Variants in PLXNA1 observed in about 807,000 individuals in gnomAD.
The protein encoded by PLXNA1 is plexin A1, also known as plexin-A1.
PLXNA1 carries 77 observed loss-of-function variants against 191.7 expected under a neutral mutation model. That is an observed-to-expected ratio of 0.40 (90% CI 0.33 to 0.49). The LOEUF is 0.49. Among genes scored for constraint, PLXNA1 ranks in the 20% least tolerant of loss-of-function variants. PLXNA1 has a pLI of 0.63. For missense variants in PLXNA1, 2,110 were observed against 2,660.2 expected, an observed-to-expected ratio of 0.79 and a Z score of 4.55; for synonymous variants, 1,137 against 1,156.4, an observed-to-expected ratio of 0.98 and a Z score of 0.34.
intron 24 of PLXNA1, 30 bp downstream of exon 24, chr3:127,028,116 C>G: frequency 1.2e-6 from 2 of 1,613,592 alleles, no homozygotes; most frequent in Non-Finnish European, 1.7e-6. Flanking sequence ...GTCCTGGGTG[C>G]CCTGGTGCCC....
chr3:126,983,436 G>A (rs1021076343), intron 1 of PLXNA1, among the ~76,000 whole-genome samples, 149 bp downstream of exon 1: 1 of 145,564 alleles, frequency 6.9e-6, no homozygotes, highest in Admixed American at 6.8e-5. Flanking sequence ...GGGTGTGCGC[G>A]GGGACTGCGG....
rs572514021 is a variant in PLXNA1, at chr3:126,991,476, C to G, written c.1287C>G (p.Asp429Glu). ...TTGAGGGGACGCCCCTGTTCGTGGA[C>G]AAGGATGATGGCCTGACCGCCGTGG... is the stretch of plus-strand genomic sequence containing the variant. ...VTIEGTPLFV[D>E]KDDGLTAVAA... The change falls in exon 3 of 32, where the codon GAC becomes GAG. Residue 429 changes from aspartate (D) to glutamate (E), a missense_variant. Physicochemically the swap from Asp to Glu is conservative, Grantham distance 45. Transcript: ENST00000393409. 265 of 1,612,766 alleles carry G rather than the reference C, an allele frequency of 1.6e-4. 3 individuals are homozygous for G. The South Asian group carries it at 2.9e-3, about 17-fold the overall frequency.
In PLXNA1 at chr3:127,029,988, A is replaced by G; in HGVS notation, c.4985A>G (p.His1662Arg). 6.2e-7 allele frequency: 1 copy of G among 1,613,720 alleles called. No individual in the cohort carries two copies. Among genetic ancestry groups the G allele is most frequent in the South Asian group, 1.1e-5 (1 of 91,076 alleles). ...TGGCACCTGGTGAAGAACCACGACC[A>G]CCTGGACCAGCGTGAGGGTGACCGC... ...KLWHLVKNHD[H>R]LDQREGDRGS... The change falls in exon 28 of 32, where the codon CAC becomes CGC. Residue 1662 changes from histidine (H) to arginine (R), a missense_variant. His to Arg is a conservative substitution (Grantham distance 29). This residue lies in a region of PLXNA1 where 559 missense variants were observed against 911.5 expected (regional missense o/e 0.61). Transcript: ENST00000393409.
At chr3:127,029,569 G>T (rs150570079) in intron 27 of PLXNA1, 33 bp downstream of exon 27, 5 of 1,597,870 alleles carry the variant, frequency 3.1e-6, no homozygotes, top group African/African-American at 1.3e-5. Flanking sequence ...AGAGGGCAGC[G>T]CATGGGTCCC....
Position 127,011,955 on chromosome 3 carries a change from C to G in PLXNA1, c.2113-3C>G. ...GGCTCAGCCAAACTCTTCTTATCCC[C>G]AGGACTGCCCACAGATCCTGCCCTC... is the stretch of plus-strand genomic sequence containing the variant. On this transcript the variant is annotated splice_region_variant and splice_polypyrimidine_tract_variant and intron_variant, in intron 9 of 31. Coordinates refer to ENST00000393409, the MANE Select transcript of PLXNA1 (RefSeq NM_032242.4). 1 of 1,612,300 alleles carries G rather than the reference C, an allele frequency of 6.2e-7. No homozygotes were observed. The highest frequency in any genetic ancestry group is 8.5e-7 in the Non-Finnish European group (1 of 1,178,794).
chr3:126,998,605 A>T (rs1201691449), intron 3 of PLXNA1, among the ~76,000 whole-genome samples: 4 of 152,194 alleles, frequency 2.6e-5, no homozygotes, highest in Admixed American at 2.0e-4. Context: ...AGCTGTGCAC[A>T]TCTGCCCCAC....
At chr3:127,029,729 A>C in intron 27 of PLXNA1, 145 bp from the exon 28 acceptor site, 1 of 1,115,590 alleles carries the variant, frequency 9.0e-7, no homozygotes, top group Non-Finnish European at 1.3e-6. Context: ...TCCGTACACA[A>C]TTATGCCACC....
intron 3 of PLXNA1, among the ~76,000 whole-genome samples, chr3:126,995,502 G>A (rs939828138): frequency 3.3e-5 from 5 of 152,252 alleles, no homozygotes; most frequent in Non-Finnish European, 7.3e-5. Flanking sequence ...ACGGGCACCC[G>A]AGGCCAGCCC....
At chr3:126,991,087 C>T (rs1050016741) in intron 2 of PLXNA1, among the ~76,000 whole-genome samples, 2 of 152,214 alleles carry the variant, frequency 1.3e-5, no homozygotes, top group Non-Finnish European at 2.9e-5. Flanking sequence ...CCCTGCCTGC[C>T]CTGCCCTCTC....
rs2078939091 is a variant in PLXNA1 at position 126,983,211 on chromosome 3, G to A, written c.-150G>A. Reference sequence around the variant, plus strand: ...CCTACGCGGCTTCGGCGGCCCCGCGGCGGGGCGGACGGCGGCGGCGGCGCG... The same window carrying A: ...CCTACGCGGCTTCGGCGGCCCCGCGACGGGGCGGACGGCGGCGGCGGCGCG... On this transcript the variant is annotated 5_prime_UTR_variant, in exon 1 of 32. Coordinates refer to ENST00000393409, the MANE Select transcript of PLXNA1 (RefSeq NM_032242.4). Among the ~76,000 whole-genome samples the A allele has an allele frequency of 6.9e-6, 1 of 144,598 alleles. No homozygotes were observed. Among genetic ancestry groups the A allele is most frequent in the Non-Finnish European group, 1.5e-5 (1 of 65,234 alleles). The allele number at this position is 144,598 out of a possible 152,430, so 94.9% of individuals were successfully genotyped here. A position where few individuals can be genotyped will look rare whatever the true frequency, so the allele number is the denominator to read the frequency against.
chr3:126,989,029 C>T lies in PLXNA1; in HGVS notation c.436C>T (p.Leu146Phe). 1.2e-6 allele frequency: 2 copies of T among 1,613,334 alleles called. No individual in the cohort carries two copies. The highest frequency in any genetic ancestry group is 1.7e-6 in the Non-Finnish European group (2 of 1,180,030). Reference protein sequence around the residue: ...GICQFLRLDDLFKLGEPHHRK... With the variant: ...GICQFLRLDDFFKLGEPHHRK... ...CTGCCAGTTCCTGCGTCTGGACGAT[C>T]TCTTCAAACTGGGTGAGCCACACCA... is the stretch of plus-strand genomic sequence containing the variant. Residue 146 changes from leucine (L) to phenylalanine (F), a missense_variant, in exon 2 of 32, where the codon CTC (leucine) becomes TTC (phenylalanine). Physicochemically the swap from Leu to Phe is conservative, Grantham distance 22. Coordinates refer to ENST00000393409, the MANE Select transcript of PLXNA1 (RefSeq NM_032242.4).
At chr3:126,986,269 C>T (rs925771656) in intron 1 of PLXNA1, among the ~76,000 whole-genome samples, 4 of 152,204 alleles carry the variant, frequency 2.6e-5, no homozygotes, top group Non-Finnish European at 5.9e-5. Context: ...TTTCTGGCTC[C>T]CGGGTCTTCC....
chr3:127,006,204 C>CGCCTGG, intron 8 of PLXNA1, 26 bp downstream of exon 8: 1 of 1,579,656 alleles, frequency 6.3e-7, no homozygotes, highest in South Asian at 1.1e-5. Flanking sequence ...CCCCTCCGCC[C>CGCCTGG]GCCTGGGCCT....
In PLXNA1 at chr3:127,001,893, G is replaced by A. The variant is rs909947751; in HGVS notation, c.1378-1437G>A. 7.9e-5 allele frequency among the ~76,000 whole-genome samples: 12 copies of A among 152,374 alleles called. No homozygotes were observed. In the South Asian group the frequency reaches 2.5e-3, roughly 32 times the overall value. On this transcript the variant is annotated intron_variant, in intron 3 of 31. Coordinates refer to ENST00000393409, the MANE Select transcript of PLXNA1 (RefSeq NM_032242.4). ...GCTGGTCCTGGCTGGCATCCGCCTG[G>A]GTCTGAGTACCTGCCTCTGGCCACT...
chr3:127,017,799 G>C lies in PLXNA1; in HGVS notation c.3567G>C (p.Thr1189=). 6.2e-7 allele frequency: 1 copy of C among 1,613,156 alleles called. No individual in the cohort carries two copies. The highest frequency in any genetic ancestry group is 8.5e-7 in the Non-Finnish European group (1 of 1,180,004). The change falls in exon 19 of 32, where the codon ACG becomes ACC. Residue 1189 remains threonine (T), a synonymous_variant. Coordinates refer to ENST00000393409, the MANE Select transcript of PLXNA1 (RefSeq NM_032242.4). ...PAPGNSRLNY[T]VLIGSTPCTL... is the part of the protein sequence containing the mutation. Reference sequence around the variant, plus strand: ...CCGGCAACTCCCGACTCAACTACACGGTGCTCATCGGCTCCACACCCTGTA... The same window carrying C: ...CCGGCAACTCCCGACTCAACTACACCGTGCTCATCGGCTCCACACCCTGTA...
chr3:127,034,313 C>G lies in PLXNA1; in HGVS notation c.*296C>G. On this transcript the variant is annotated 3_prime_UTR_variant, in exon 32 of 32. Coordinates refer to ENST00000393409, the MANE Select transcript of PLXNA1 (RefSeq NM_032242.4). ...TTGCCTGGCAAGAGCTGCCCAGTGGCCTTCATGGGAGAAGGGCTGACCTCT... is the reference window on the plus strand; with the variant it reads ...TTGCCTGGCAAGAGCTGCCCAGTGGGCTTCATGGGAGAAGGGCTGACCTCT... 1 of 332,588 alleles carries G rather than the reference C, an allele frequency of 3.0e-6. No individual in the cohort carries two copies. The highest frequency in any genetic ancestry group is 5.5e-6 in the Non-Finnish European group (1 of 180,932). 20.6% of individuals were successfully genotyped at this position (332,588 alleles called of 1,614,324 possible).
Position 127,005,077 on chromosome 3 carries a change from G to A in PLXNA1, c.1744-13G>A. The A allele has an allele frequency of 6.2e-7, 1 of 1,611,890 alleles. No homozygotes were observed. Among genetic ancestry groups the A allele is most frequent in the South Asian group, 1.1e-5 (1 of 91,038 alleles). ...GGGGACCCTGCTCACCATGCCTCCT[G>A]CTGCCTGCCCAGCTTGTGCTGCAGG... On this transcript the variant is annotated splice_polypyrimidine_tract_variant and intron_variant, in intron 6 of 31. Coordinates refer to ENST00000393409, the MANE Select transcript of PLXNA1 (RefSeq NM_032242.4).
chr3:127,014,970 C>T, intron 14 of PLXNA1, 139 bp downstream of exon 14: 1 of 1,409,666 alleles, frequency 7.1e-7, no homozygotes, highest in Non-Finnish European at 9.4e-7. Context: ...CTGCCCCTCC[C>T]CTCCTGTGCC....
intron 17 of PLXNA1, 142 bp downstream of exon 17, chr3:127,017,179 C>G: frequency 1.0e-6 from 1 of 988,176 alleles, no homozygotes; most frequent in African/African-American, 1.6e-5. Flanking sequence ...GCCTGGAGAC[C>G]CCTGGGGAGG....
Sources: gnomAD v4.1 joint callset for allele counts (sites outside exome capture counted in the v4.1 genomes callset) on GRCh38, gnomAD v4.1.1 for gene constraint, gnomAD v4.1.1 regional missense constraint, MANE v1.5 for transcripts, NCBI Gene and HGNC (gene_info 2026-07-23, HGNC 2026-07-21) for gene names.